PHTF1: variants seen among roughly 807,000 people sequenced by gnomAD.
PHTF1 encodes putative homeodomain transcription factor 1.
In PHTF1, 88 loss-of-function variants were observed where a neutral mutation model predicts 102.4. The observed-to-expected ratio is 0.86, with a 90% confidence interval of 0.72 to 1.03. PHTF1 has a LOEUF of 1.03. Ranked by LOEUF, PHTF1 falls within the 50% of genes least tolerant of loss-of-function variation. The pLI, the probability that PHTF1 is intolerant of heterozygous loss-of-function variation, is 0.00. For synonymous variants in PHTF1, 289 were observed against 305.2 expected, an observed-to-expected ratio of 0.95 and a Z score of 0.55; for missense variants, 814 against 909.5, an observed-to-expected ratio of 0.89 and a Z score of 1.35.
At chr1:113,703,990 A>G in intron 15 of PHTF1, 91 bp downstream of exon 15, 1 of 670,114 alleles carries the variant, frequency 1.5e-6, no homozygotes, top group Non-Finnish European at 2.5e-6. Context: ...TTAAAAATAC[A>G]TACTTAAGGA....
rs143824885 is a variant in PHTF1 at position 113,728,284 on chromosome 1, C to T, written c.332-1710G>A. 2.4e-3 allele frequency among the ~76,000 whole-genome samples: 371 copies of T among 152,264 alleles called. 5 individuals carry two copies. Among genetic ancestry groups the T allele is most frequent in the African/African-American group, 8.5e-3 (352 of 41,540 alleles). ...ATAACCTAATAATCTGATTTTAAAA[C>T]AGGCAAAAGATCTGAATAGACATTT... On this transcript the variant is annotated intron_variant, in intron 5 of 18. Coordinates refer to ENST00000369604, the MANE Select transcript of PHTF1 (RefSeq NM_001323043.2).
chr1:113,704,228 A>C, intron 14 of PHTF1, 61 bp from the exon 15 acceptor site: 1 of 913,980 alleles, frequency 1.1e-6, no homozygotes, highest in Non-Finnish European at 1.8e-6. Flanking sequence ...CCGCCCTCAC[A>C]TTATTAACAC....
chr1:113,743,465 A>AT (rs543200986), intron 3 of PHTF1, among the ~76,000 whole-genome samples: 63 of 151,738 alleles, frequency 4.2e-4, no homozygotes, highest in Middle Eastern at 6.8e-3. Context: ...CAGTTAACTG[A>AT]TTTTTTTTTA....
chr1:113,738,008 T>C (rs977831983), intron 5 of PHTF1, 102 bp downstream of exon 5: 1 of 799,878 alleles, frequency 1.3e-6, no homozygotes, highest in Middle Eastern at 3.0e-4. Flanking sequence ...TACTTTAAAC[T>C]GTCAAATGAA....
chr1:113,707,428 A>C (rs1330845765), intron 11 of PHTF1, among the ~76,000 whole-genome samples: 2 of 152,196 alleles, frequency 1.3e-5, no homozygotes, highest in Admixed American at 6.5e-5. Flanking sequence ...TGACAGCCTC[A>C]GTCTTACTAA....
intron 2 of PHTF1, among the ~76,000 whole-genome samples, chr1:113,758,231 C>CAAAAAAAAAA (rs1162537319): frequency 5.2e-5 from 3 of 58,214 alleles, no homozygotes; most frequent in Admixed American, 2.3e-4. Context: ...AACTCCGTCT[C>CAAAAAAAAAA]AAAAAAAAAA....
chr1:113,726,564 A>G lies in PHTF1; in HGVS notation c.342T>C (p.Ile114=). ...CAATAGGCATCATCAAATATAAGAC[A>G]ATTGCTATAACTGAAAAGAAGAGGT... The part of the protein sequence containing the change: ...LLLYFMQVIA[I]VLYLMMPIVN... The change falls in exon 6 of 19, where the codon ATT becomes ATC. Residue 114 remains isoleucine (I), a synonymous_variant. Coordinates refer to ENST00000369604, the MANE Select transcript of PHTF1 (RefSeq NM_001323043.2). The G allele has an allele frequency of 6.3e-7, 1 of 1,577,542 alleles. No homozygotes were observed. Among genetic ancestry groups the G allele is most frequent in the Non-Finnish European group, 8.6e-7 (1 of 1,163,836 alleles).
At chr1:113,754,060 TAGA>T (rs1658491472) in intron 3 of PHTF1, among the ~76,000 whole-genome samples, 1 of 152,188 alleles carries the variant, frequency 6.6e-6, no homozygotes, top group Non-Finnish European at 1.5e-5. Context: ...TTGCATTTAT[TAGA>T]AGGATTCTTT....
intron 8 of PHTF1, among the ~76,000 whole-genome samples, chr1:113,712,783 AATT>A (rs1166964125): frequency 8.5e-5 from 11 of 129,982 alleles, no homozygotes; most frequent in Admixed American, 3.9e-4. Flanking sequence ...TAACTCACAA[AATT>A]TTTTTTTTTT....
chr1:113,703,433 G>T (rs1649662203), intron 15 of PHTF1, among the ~76,000 whole-genome samples: 1 of 152,294 alleles, frequency 6.6e-6, no homozygotes, highest in South Asian at 2.1e-4. Flanking sequence ...CTGTCAAAAG[G>T]GTACAGGAGG....
chr1:113,755,374 T>C (rs1245385464), intron 3 of PHTF1, among the ~76,000 whole-genome samples: 1 of 152,186 alleles, frequency 6.6e-6, no homozygotes, highest in African/African-American at 2.4e-5. Context: ...CATCTATCTT[T>C]TTCACTGTAT....
In PHTF1 at chr1:113,757,157, A is replaced by G. The variant is rs1211533751; in HGVS notation, c.102+542T>C. Reference sequence around the variant, plus strand: ...ACTCCAGCCTGGACGACAGAGTGAGACTCTGTCTCAAAAACAAAACAAAAC... The same window carrying G: ...ACTCCAGCCTGGACGACAGAGTGAGGCTCTGTCTCAAAAACAAAACAAAAC... On this transcript the variant is annotated intron_variant, in intron 3 of 18. Coordinates refer to ENST00000369604, the MANE Select transcript of PHTF1 (RefSeq NM_001323043.2). 5.3e-5 allele frequency among the ~76,000 whole-genome samples: 8 copies of G among 152,248 alleles called. No homozygotes were observed. The East Asian group carries it at 1.5e-3, about 29-fold the overall frequency.
intron 7 of PHTF1, among the ~76,000 whole-genome samples, chr1:113,716,352 T>A: frequency 6.9e-6 from 1 of 145,478 alleles, no homozygotes; most frequent in African/African-American, 2.5e-5. Context: ...CTTTTTTTTT[T>A]TTTTTTTTTT....
At chr1:113,709,311 G>C (rs367836935) in intron 11 of PHTF1, among the ~76,000 whole-genome samples, 1 of 152,050 alleles carries the variant, frequency 6.6e-6, no homozygotes, top group Non-Finnish European at 1.5e-5. Flanking sequence ...TTAATGAAGC[G>C]ATTTTTTAAA....
At position 113,726,453 on chromosome 1, in the gene PHTF1, T is replaced by A. The variant is rs771756792; in HGVS notation, c.453A>T (p.Thr151=). ...GATTTCCATTGTTTCCTGATGGTCT[T>A]GTTATCTGAGTAGACACAATTTGAC... is the stretch of plus-strand genomic sequence containing the variant. ...VHCQIVSTQI[T]RPSGNNGNRR... The change falls in exon 6 of 19, where the codon ACA becomes ACT. Residue 151 remains threonine, a synonymous_variant. Coordinates refer to ENST00000369604, the MANE Select transcript of PHTF1 (RefSeq NM_001323043.2). 3 of 1,610,852 alleles carry A rather than the reference T, an allele frequency of 1.9e-6. No individual in the cohort carries two copies. The highest frequency in any genetic ancestry group is 1.7e-6 in the Non-Finnish European group (2 of 1,178,626).
intron 15 of PHTF1, among the ~76,000 whole-genome samples, chr1:113,703,545 G>C (rs1483599425): frequency 6.6e-6 from 1 of 151,810 alleles, no homozygotes; most frequent in African/African-American, 2.4e-5. Context: ...TTTTTTCATG[G>C]AGATGGGTCC....
rs574768090 is a variant in PHTF1 at position 113,705,896 on chromosome 1, A to G, written c.1665T>C (p.Tyr555=). Residue 555 remains tyrosine, a synonymous_variant, in exon 13 of 19, where the codon TAT becomes TAC. Transcript: ENST00000369604. ...TCCTTATTTCTCCACTGACCTGTTT[A>G]TATGTTCTCTCTGCCACACACATCA... ...FFMMCVAERT[Y]KQRFLFAKLF... The G allele has an allele frequency of 4.8e-5, 78 of 1,613,542 alleles. 2 individuals carry two copies. In the South Asian group the frequency reaches 8.4e-4, roughly 17 times the overall value.
intron 7 of PHTF1, among the ~76,000 whole-genome samples, chr1:113,718,766 G>A (rs1219911979): frequency 1.3e-5 from 2 of 152,188 alleles, no homozygotes; most frequent in Non-Finnish European, 2.9e-5. Context: ...ACTGGGACAT[G>A]GGACACCAAG....
Position 113,699,712 on chromosome 1 carries a change from A to C in PHTF1, c.2134T>G (p.Leu712Val), listed in dbSNP as rs765278387. ...VNNVLKLSTK[L>V]LKELDTPFRL... ...CATAGCCTATGACTTACTTTCAACA[A>C]CTTGGTGGACAGCTTTAATACATTG... Residue 712 changes from leucine (L) to valine (V), a missense_variant, in exon 17 of 19, where the codon TTG (leucine) becomes GTG (valine). Transcript: ENST00000369604. The C allele has an allele frequency of 7.2e-7, 1 of 1,398,504 alleles. No homozygotes were observed. Among genetic ancestry groups the C allele is most frequent in the South Asian group, 1.2e-5 (1 of 81,242 alleles). 86.6% of individuals were successfully genotyped at this position (1,398,504 alleles called of 1,614,324 possible).
Sources: gnomAD v4.1 joint callset for allele counts (sites outside exome capture counted in the v4.1 genomes callset) on GRCh38, gnomAD v4.1.1 for gene constraint, MANE v1.5 for transcripts, NCBI Gene and HGNC (gene_info 2026-07-23, HGNC 2026-07-21) for gene names.